The following MAGI1 variants were observed in gnomAD, a reference collection of about 807,000 sequenced individuals.
MAGI1 encodes the protein membrane-associated guanylate kinase, WW and PDZ domain-containing protein 1.
In MAGI1, 58 loss-of-function variants were observed where a neutral mutation model predicts 139.9. The ratio of observed to expected loss-of-function variants is 0.41; its 90% CI spans 0.34 to 0.52. The LOEUF (loss-of-function observed/expected upper bound fraction) is 0.52. Among genes scored for constraint, MAGI1 ranks in the 20% least tolerant of loss-of-function variants. The pLI is 0.12. For missense variants in MAGI1, 1,874 were observed against 1,901.6 expected, an observed-to-expected ratio of 0.99 and a Z score of 0.27; for synonymous variants, 812 against 737.9, an observed-to-expected ratio of 1.10 and a Z score of -1.63.
chr3:65,375,679 A>C, intron 18 of MAGI1, 66 bp downstream of exon 18: 1 of 1,300,892 alleles, frequency 7.7e-7, no homozygotes, highest in East Asian at 2.3e-5. Context: ...GAAAGAGAAA[A>C]GGAAAAGACA....
intron 3 of MAGI1, among the ~76,000 whole-genome samples, chr3:65,489,762 A>C (rs1951874301): frequency 6.6e-6 from 1 of 152,236 alleles, no homozygotes; most frequent in Non-Finnish European, 1.5e-5. Flanking sequence ...TATGTTGTGT[A>C]CATATAAGTT....
intron 4 of MAGI1, among the ~76,000 whole-genome samples, chr3:65,473,726 G>T (rs1575901789): frequency 7.2e-6 from 1 of 138,772 alleles, no homozygotes; most frequent in African/African-American, 2.6e-5. Flanking sequence ...AAATCTCTTA[G>T]TAATTTTAAT....
intron 1 of MAGI1, among the ~76,000 whole-genome samples, chr3:65,686,360 C>T (rs1265086783): frequency 2.0e-5 from 3 of 152,104 alleles, no homozygotes; most frequent in African/African-American, 2.4e-5. Flanking sequence ...GGCACGATCT[C>T]GGCTCACTGC....
intron 1 of MAGI1, among the ~76,000 whole-genome samples, chr3:65,681,277 T>A (rs971839025): frequency 6.6e-6 from 1 of 152,210 alleles, no homozygotes; most frequent in African/African-American, 2.4e-5. Context: ...AAGACCTGGG[T>A]CTCATTTATA....
At chr3:65,565,244 T>G (rs139355902) in intron 2 of MAGI1, among the ~76,000 whole-genome samples, 1 of 152,340 alleles carries the variant, frequency 6.6e-6, no homozygotes, top group Admixed American at 6.5e-5. Context: ...CTGTAGCTTA[T>G]GTCAGGTGCA....
intron 2 of MAGI1, among the ~76,000 whole-genome samples, chr3:65,513,503 T>C (rs1223693789): frequency 2.0e-3 from 31 of 15,632 alleles, no homozygotes; most frequent in African/African-American, 6.6e-3. Context: ...AGCATTCTTA[T>C]ACACCAACAA....
At chr3:65,845,687 G>A (rs1395898809) in intron 1 of MAGI1, among the ~76,000 whole-genome samples, 1 of 152,182 alleles carries the variant, frequency 6.6e-6, no homozygotes, top group Admixed American at 6.5e-5. Context: ...CCAGACTGAA[G>A]AACTTGATGT....
In MAGI1 at chr3:66,038,354, G is replaced by A; in HGVS notation, c.-46C>T. 1.3e-6 allele frequency: 2 copies of A among 1,508,734 alleles called. No homozygotes were observed. The highest frequency in any genetic ancestry group is 1.3e-5 in the South Asian group (1 of 75,870). 93.5% of individuals were successfully genotyped at this position (1,508,734 alleles called of 1,614,324 possible). A position where few individuals can be genotyped will look rare whatever the true frequency, so the allele number is the denominator to read the frequency against. ...CAAAAAAATAAAACGAGAGACAGGT[G>A]CCCCCCACAGCACGAGCCCCCAAGC... On this transcript the variant is annotated 5_prime_UTR_variant, in exon 1 of 23. Transcript: ENST00000402939.
At chr3:65,401,380 C>CCCCCCCCCCCCCCAA in intron 13 of MAGI1, 59 bp downstream of exon 13, 1 of 818,082 alleles carries the variant, frequency 1.2e-6, no homozygotes, top group East Asian at 3.2e-5. Flanking sequence ...CCTCCCACCT[C>CCCCCCCCCCCCCCAA]CAGCCCCCCA....
At chr3:65,806,567 A>G (rs1445669919) in intron 1 of MAGI1, among the ~76,000 whole-genome samples, 2 of 152,182 alleles carry the variant, frequency 1.3e-5, no homozygotes, top group African/African-American at 2.4e-5. Context: ...GTCTCCCACC[A>G]CATAACTGCG....
chr3:65,892,620 G>A (rs1480576078), intron 1 of MAGI1, among the ~76,000 whole-genome samples: 1 of 152,084 alleles, frequency 6.6e-6, no homozygotes, highest in African/African-American at 2.4e-5. Context: ...TATGTATTAG[G>A]TGTTAACTGT....
chr3:65,399,311 A>G (rs951755898), intron 13 of MAGI1, among the ~76,000 whole-genome samples: 16 of 152,182 alleles, frequency 1.1e-4, no homozygotes, highest in African/African-American at 3.6e-4. Context: ...TCCCATAATC[A>G]TCTGTCTCCC....
chr3:65,819,897 A>G (rs2041846933), intron 1 of MAGI1, among the ~76,000 whole-genome samples: 2 of 146,940 alleles, frequency 1.4e-5, no homozygotes, highest in Admixed American at 6.9e-5. Flanking sequence ...AAAAAAAAAA[A>G]GGAAGGTTGA....
intron 5 of MAGI1, among the ~76,000 whole-genome samples, chr3:65,460,711 A>G (rs58605012): frequency 0.58 from 87,575 of 151,814 alleles, 26,002 homozygotes; most frequent in East Asian, 0.95. Flanking sequence ...ACCACCCTCC[A>G]ACAGGTCCCC....
intron 2 of MAGI1, among the ~76,000 whole-genome samples, chr3:65,566,487 A>T (rs2080654599): frequency 6.6e-6 from 1 of 151,944 alleles, no homozygotes; most frequent in Non-Finnish European, 1.5e-5. Flanking sequence ...AGTTACATGT[A>T]AATGGCAGCA....
At chr3:65,878,093 A>C (rs76390470) in intron 1 of MAGI1, among the ~76,000 whole-genome samples, 3,979 of 152,136 alleles carry the variant, frequency 0.026, 147 homozygotes, top group East Asian at 0.11. Flanking sequence ...CCTACGTGAC[A>C]GAGTGAGGTT....
intron 1 of MAGI1, among the ~76,000 whole-genome samples, chr3:65,680,237 T>A (rs969520553): frequency 2.0e-5 from 3 of 152,126 alleles, no homozygotes; most frequent in Non-Finnish European, 4.4e-5. Flanking sequence ...CCTAGACCCA[T>A]CAAGGGACAG....
chr3:65,463,767 TG>T (rs758287340), intron 5 of MAGI1, among the ~76,000 whole-genome samples: 2 of 152,164 alleles, frequency 1.3e-5, no homozygotes, highest in Non-Finnish European at 2.9e-5. Flanking sequence ...GGGCTTTTTT[TG>T]GTTGGTAGGT....
At position 65,905,104 on chromosome 3, in the gene MAGI1, A is replaced by G. The variant is rs2061383829; in HGVS notation, c.313+132892T>C. Among the ~76,000 whole-genome samples, 3 of 152,224 alleles carry G rather than the reference A, an allele frequency of 2.0e-5. No homozygotes were observed. In the South Asian group the frequency reaches 6.2e-4, roughly 31 times the overall value. On this transcript the variant is annotated intron_variant, in intron 1 of 22. Transcript: ENST00000402939. Reference sequence around the variant, plus strand: ...TAACACTAATACTGATGCCTATGCTATATCCCCAAGATTCTGATTTAATTG... The same window carrying G: ...TAACACTAATACTGATGCCTATGCTGTATCCCCAAGATTCTGATTTAATTG...
Sources: allele counts gnomAD v4.1 joint callset (sites outside exome capture counted in the v4.1 genomes callset), GRCh38; gene constraint gnomAD v4.1.1; transcripts MANE v1.5; gene names NCBI Gene and HGNC (gene_info 2026-07-23, HGNC 2026-07-21).